TFIP11: variants seen among roughly 807,000 people sequenced by gnomAD.
The protein encoded by TFIP11 is tuftelin interacting protein 11.
In TFIP11, 86 loss-of-function variants were observed where a neutral mutation model predicts 96.8. That is an observed-to-expected ratio of 0.89 (90% CI 0.75 to 1.06). The LOEUF (loss-of-function observed/expected upper bound fraction) is 1.06, where lower values mean the gene tolerates loss of function less well. Among genes scored for constraint, TFIP11 ranks in the 50% least tolerant of loss-of-function variants. The pLI is 0.00. For synonymous variants in TFIP11, 405 were observed against 395.2 expected, an observed-to-expected ratio of 1.02 and a Z score of -0.29; for missense variants, 881 against 1,076.7, an observed-to-expected ratio of 0.82 and a Z score of 2.54.
Position 26,492,360 on chromosome 22 carries a change from T to C in TFIP11, c.2167A>G (p.Met723Val), listed in dbSNP as rs1188583600. ...RAVSSNVGAY[M>V]QPGARENIAY... ...ATGTTCTCCCGTGCTCCTGGCTGCA[T>C]GTAGGCACCTAAGATACAGGAGGAC... Residue 723 changes from methionine (M) to valine (V), a missense_variant, in exon 15 of 15, where the codon ATG becomes GTG. Transcript: ENST00000407690. The C allele has an allele frequency of 3.7e-6, 6 of 1,614,084 alleles. No individual in the cohort carries two copies. The highest frequency in any genetic ancestry group is 5.1e-6 in the Non-Finnish European group (6 of 1,179,948).
intron 14 of TFIP11, chr22:26,492,916 T>G (rs933956902): frequency 6.5e-6 from 1 of 154,086 alleles, no homozygotes; most frequent in African/African-American, 2.4e-5. Flanking sequence ...TTTGGAAACA[T>G]GAGGCCAAGG....
intron 11 of TFIP11, 27 bp downstream of exon 11, chr22:26,496,694 G>A (rs576130287): frequency 2.5e-6 from 4 of 1,609,634 alleles, no homozygotes; most frequent in African/African-American, 1.3e-5. Context: ...TAGTGATGAC[G>A]ACTGTTTCCC....
chr22:26,498,721 G>A, intron 10 of TFIP11, 148 bp downstream of exon 10: 3 of 647,204 alleles, frequency 4.6e-6, no homozygotes, highest in Middle Eastern at 4.5e-4. Flanking sequence ...AAAATTCATA[G>A]CCAAATGAAT....
In TFIP11 at chr22:26,494,856, T is replaced by A; in HGVS notation, c.1933A>T (p.Ile645Phe). ...FYWVIDWEGM[I>F]SVSSLVGLLE... is the part of the protein sequence containing the mutation. ...AGTCCCACCAGGCTAGAGACAGAGA[T>A]CATCCCTTCCCAGTCAATCACCCAA... Residue 645 changes from isoleucine to phenylalanine, a missense_variant, in exon 13 of 15, where the codon ATC becomes TTC. Physicochemically the swap from Ile to Phe is conservative, Grantham distance 21. Transcript: ENST00000407690. The A allele has an allele frequency of 6.2e-7, 1 of 1,614,148 alleles. No homozygotes were observed. The highest frequency in any genetic ancestry group is 8.5e-7 in the Non-Finnish European group (1 of 1,180,034).
chr22:26,501,202 A>C (rs138882358), intron 8 of TFIP11, among the ~76,000 whole-genome samples: 3 of 152,156 alleles, frequency 2.0e-5, no homozygotes, highest in Non-Finnish European at 4.4e-5. Flanking sequence ...AACTTAATAC[A>C]CTACATGGAC....
At chr22:26,506,247 CT>C in intron 6 of TFIP11, 55 bp downstream of exon 6, 4 of 1,505,238 alleles carry the variant, frequency 2.7e-6, no homozygotes, top group Non-Finnish European at 3.5e-6. Context: ...CCCAACGCCC[CT>C]CTCCTTCCCT....
intron 2 of TFIP11, chr22:26,511,569 A>T (rs551919873): frequency 1.3e-5 from 2 of 152,344 alleles, no homozygotes; most frequent in African/African-American, 4.8e-5. Flanking sequence ...CCTGAGTTCA[A>T]ATTCAACTCT....
chr22:26,506,764 A>G lies in TFIP11; in HGVS notation c.363+11T>C. On this transcript the variant is annotated intron_variant, in intron 5 of 14. Transcript: ENST00000407690. ...ATATTCCTAGGGTCACAATCCTGCA[A>G]TAGAGACTACCGTTTTTAGCTTCCT... 6.2e-7 allele frequency: 1 copy of G among 1,614,154 alleles called. No individual in the cohort carries two copies. Among genetic ancestry groups the G allele is most frequent in the Non-Finnish European group, 8.5e-7 (1 of 1,180,020 alleles).
chr22:26,494,442 A>G lies in TFIP11; in HGVS notation c.1993-138T>C. On this transcript the variant is annotated intron_variant, in intron 13 of 14. Coordinates refer to ENST00000407690, the MANE Select transcript of TFIP11 (RefSeq NM_012143.4). ...TTACAGGGATTTATAGTAGCTAAAC[A>G]GTCTAGCACTTATGAATATGGATTT... 5.8e-6 allele frequency: 6 copies of G among 1,026,576 alleles called. No individual in the cohort carries two copies. The South Asian group carries it at 7.4e-5, about 13-fold the overall frequency. The allele number at this position is 1,026,576 out of a possible 1,614,324, so 63.6% of individuals were successfully genotyped here. A position where few individuals can be genotyped will look rare whatever the true frequency, so the allele number is the denominator to read the frequency against.
At chr22:26,504,213 G>C (rs946947472) in intron 6 of TFIP11, among the ~76,000 whole-genome samples, 1 of 152,150 alleles carries the variant, frequency 6.6e-6, no homozygotes, top group Non-Finnish European at 1.5e-5. Flanking sequence ...TTTAATATAA[G>C]ACTCCTCACA....
chr22:26,503,651 C>T lies in TFIP11; in HGVS notation c.648+15G>A. ...ACAGGACACCATCCACCCATGTCTC[C>T]TGACTTCCAGTTACCTCTTCAGCTT... On this transcript the variant is annotated intron_variant, in intron 7 of 14. Coordinates refer to ENST00000407690, the MANE Select transcript of TFIP11 (RefSeq NM_012143.4). The T allele has an allele frequency of 6.2e-7, 1 of 1,613,514 alleles. No homozygotes were observed. Among genetic ancestry groups the T allele is most frequent in the Non-Finnish European group, 8.5e-7 (1 of 1,179,826 alleles).
chr22:26,496,434 A>C, intron 11 of TFIP11, 118 bp from the exon 12 acceptor site: 1 of 1,365,898 alleles, frequency 7.3e-7, no homozygotes, highest in Non-Finnish European at 9.8e-7. Flanking sequence ...TGAGGCCCAC[A>C]GTCCTTTGTA....
At chr22:26,494,096 G>T (rs1921602140) in intron 14 of TFIP11, 43 bp downstream of exon 14, 1 of 1,605,486 alleles carries the variant, frequency 6.2e-7, no homozygotes, top group Non-Finnish European at 8.5e-7. Context: ...TGTAAAATCT[G>T]AAACTTGGGG....
intron 3 of TFIP11, 89 bp downstream of exon 3, chr22:26,510,528 G>A (rs1602230782): frequency 2.1e-6 from 1 of 475,370 alleles, no homozygotes; most frequent in East Asian, 3.7e-5. Context: ...ATATCTCCTT[G>A]TCCTAGTCAA....
rs371301763 is a variant in TFIP11 at position 26,496,198 on chromosome 22, G to C, written c.1724C>G (p.Ser575Cys). ...PLYSPIRSKL[S>C]SALQKWHPSD... ...GGGGTGCCACTTCTGCAGGGCGCTG[G>C]ACAGCTTACTACGGATGGGGGAATA... The change falls in exon 12 of 15, where the codon TCC (serine) becomes TGC (cysteine). Residue 575 changes from serine to cysteine, a missense_variant. By Grantham distance (112) the Ser-to-Cys change is moderately radical. Transcript: ENST00000407690. 5 of 1,613,874 alleles carry C rather than the reference G, an allele frequency of 3.1e-6. No individual in the cohort carries two copies. The African/African-American group carries it at 6.7e-5, about 22-fold the overall frequency.
At position 26,502,052 on chromosome 22, in the gene TFIP11, C is replaced by A. The variant is rs1922866866; in HGVS notation, c.649G>T (p.Glu217Ter). 2 of 1,614,050 alleles carry A rather than the reference C, an allele frequency of 1.2e-6. No homozygotes were observed. The change falls in exon 8 of 15, where the codon GAG (glutamate) becomes TAG (stop). Residue 217 changes from glutamate (E) to a stop codon, truncating the protein, a stop_gained and splice_region_variant. Transcript: ENST00000407690. LOFTEE classifies it high-confidence loss of function. ...VVDSEEEAEE[E>*]FQKELSQWRK... ...CACTGGCTCAGCTCCTTCTGAAACT[C>A]CTGAACCAGAAGAATACAGTCAGAT... is the stretch of plus-strand genomic sequence containing the variant.
intron 6 of TFIP11, among the ~76,000 whole-genome samples, chr22:26,504,139 C>T (rs1418006154): frequency 2.6e-5 from 4 of 152,178 alleles, no homozygotes; most frequent in Admixed American, 2.6e-4. Flanking sequence ...TCTTTGGGAG[C>T]CTCTATTAGG....
intron 12 of TFIP11, among the ~76,000 whole-genome samples, 192 bp from the exon 13 acceptor site, chr22:26,495,131 T>C (rs1381301497): frequency 6.6e-6 from 1 of 152,074 alleles, no homozygotes; most frequent in African/African-American, 2.4e-5. Flanking sequence ...CCAACTAATT[T>C]TTGTGTTTTT....
rs375071731 is a variant in TFIP11, at chr22:26,506,916, G to A, written c.222C>T (p.Tyr74=). 4.5e-5 allele frequency: 72 copies of A among 1,614,192 alleles called. 1 individual carries two copies. Among genetic ancestry groups the A allele is most frequent in the Non-Finnish European group, 5.9e-5 (70 of 1,180,026 alleles). ...PSFGGKRARD[Y]SAPVNFISAG... is the part of the protein sequence containing the mutation. The stretch of plus-strand genomic sequence containing the variant: ...CGCTGATGAAGTTGACTGGCGCAGA[G>A]TAGTCACGGGCCCTGTAGGCACAGA... Residue 74 remains tyrosine (Y), a synonymous_variant, in exon 5 of 15, where the codon TAC becomes TAT. Coordinates refer to ENST00000407690, the MANE Select transcript of TFIP11 (RefSeq NM_012143.4).
Sources: gnomAD v4.1 joint callset for allele counts (sites outside exome capture counted in the v4.1 genomes callset) on GRCh38, gnomAD v4.1.1 for gene constraint, MANE v1.5 for transcripts, NCBI Gene and HGNC (gene_info 2026-07-23, HGNC 2026-07-21) for gene names.